KIF13A: variants seen among roughly 807,000 people sequenced by gnomAD.
The protein encoded by KIF13A is kinesin-like protein KIF13A.
KIF13A carries 79 observed loss-of-function variants against 212.2 expected under a neutral mutation model. The observed-to-expected ratio is 0.37, with a 90% CI of 0.31 to 0.45. KIF13A has a LOEUF of 0.45. KIF13A is among the 20% of genes least tolerant of loss of function. The pLI, the probability that KIF13A is intolerant of heterozygous loss-of-function variation, is 1.00. For missense variants in KIF13A, 1,901 were observed against 2,209.0 expected (o/e 0.86, Z 2.79); for synonymous variants, 789 against 808.6 (o/e 0.98, Z 0.41).
At position 17,855,613 on chromosome 6, in the gene KIF13A, C is replaced by G; in HGVS notation, c.318G>C (p.Ser106=). The change falls in exon 6 of 39, where the codon TCG becomes TCC. Residue 106 remains serine, a synonymous_variant. Coordinates refer to ENST00000259711, the MANE Select transcript of KIF13A (RefSeq NM_022113.6). This position sits in a 1 kb window ranked among gnomAD's most constrained non-coding sequence, Gnocchi z 4.1. ...ACIFAYGQTG[S]GKSFSMMGHA... ...GGCCCATCATGGAAAAGGATTTTCC[C>G]GAACCTGGAGAACAGCAAGGAAAAA... is the stretch of plus-strand genomic sequence containing the variant. 1.3e-6 allele frequency: 2 copies of G among 1,599,162 alleles called. No homozygotes were observed. Among genetic ancestry groups the G allele is most frequent in the Non-Finnish European group, 1.7e-6 (2 of 1,175,528 alleles).
intron 2 of KIF13A, among the ~76,000 whole-genome samples, chr6:17,975,926 A>G (rs1251342656): frequency 1.3e-5 from 2 of 151,768 alleles, no homozygotes; most frequent in Non-Finnish European, 2.9e-5. Flanking sequence ...AGCTAGACAT[A>G]AAGGTTCTCC....
chr6:17,937,181 A>G (rs1408366874), intron 2 of KIF13A, among the ~76,000 whole-genome samples: 1 of 152,198 alleles, frequency 6.6e-6, no homozygotes, highest in Non-Finnish European at 1.5e-5. Flanking sequence ...CTGTCTATAC[A>G]TATATACACA....
chr6:17,853,126 C>T (rs1032782498), intron 6 of KIF13A, among the ~76,000 whole-genome samples: 11 of 152,128 alleles, frequency 7.2e-5, no homozygotes, highest in African/African-American at 2.2e-4. Flanking sequence ...TGAATGCATC[C>T]CAAAGTCCTG....
At position 17,951,900 on chromosome 6, in the gene KIF13A, AT is replaced by A. The variant is rs945465390; in HGVS notation, c.146+35153del. On this transcript the variant is annotated intron_variant, in intron 2 of 38. Transcript: ENST00000259711. The surrounding 1 kb of genome is among the most constrained non-coding windows in gnomAD (Gnocchi z 4.9). ...TACAAAAATCTTTTTTCTTAAAAGAATTTTTTGTAGCCTTCCAAAAAATACC... is the reference window on the plus strand; with the variant it reads ...TACAAAAATCTTTTTTCTTAAAAGAATTTTTGTAGCCTTCCAAAAAATACC... Among the ~76,000 whole-genome samples, 8 of 152,196 alleles carry A rather than the reference AT, an allele frequency of 5.3e-5. No individual in the cohort carries two copies. The highest frequency in any genetic ancestry group is 1.7e-4 in the African/African-American group (7 of 41,446).
intron 4 of KIF13A, among the ~76,000 whole-genome samples, chr6:17,860,432 G>A (rs1768642386): frequency 6.6e-6 from 1 of 151,718 alleles, no homozygotes; most frequent in Non-Finnish European, 1.5e-5. Context: ...TAGGTGATCT[G>A]CCTGCCTTGG....
intron 2 of KIF13A, among the ~76,000 whole-genome samples, chr6:17,942,367 C>T: frequency 6.6e-6 from 1 of 150,642 alleles, no homozygotes. Context: ...TATTTCTGTT[C>T]ATTGAAATTT....
chr6:17,951,341 G>T lies in KIF13A; in HGVS notation c.146+35713C>A. The T allele has an allele frequency of 3.1e-6, 2 of 639,914 alleles. No individual in the cohort carries two copies. Among genetic ancestry groups the T allele is most frequent in the South Asian group, 1.7e-5 (1 of 58,392 alleles). 39.6% of individuals were successfully genotyped at this position (639,914 alleles called of 1,614,324 possible). Reference sequence around the variant, plus strand: ...AGATGGGGTTTTGCCATGTTGCAAAGGCTGGTCTTGAAATCCTCGGCTCAA... The same window carrying T: ...AGATGGGGTTTTGCCATGTTGCAAATGCTGGTCTTGAAATCCTCGGCTCAA... On this transcript the variant is annotated intron_variant, in intron 2 of 38. Transcript: ENST00000259711. The surrounding 1 kb of genome is among the most constrained non-coding windows in gnomAD (Gnocchi z 4.9).
At chr6:17,819,752 A>G (rs1437771705) in intron 16 of KIF13A, among the ~76,000 whole-genome samples, 1 of 152,116 alleles carries the variant, frequency 6.6e-6, no homozygotes, top group Non-Finnish European at 1.5e-5. Context: ...ATATGGTAAA[A>G]TTTTTTTGAG....
At chr6:17,804,811 TAAAAAAAAAAAA>T (rs56785510) in intron 19 of KIF13A, among the ~76,000 whole-genome samples, 576 of 23,322 alleles carry the variant, frequency 0.025, 10 homozygotes, top group African/African-American at 0.057. Context: ...CTGTCTCCAT[TAAAAAAAAAAAA>T]AAAAAAAAAA....
intron 25 of KIF13A, among the ~76,000 whole-genome samples, chr6:17,790,196 G>C (rs369900876): frequency 3.2e-4 from 49 of 152,298 alleles, no homozygotes; most frequent in African/African-American, 1.1e-3. Context: ...GAAGCTAGAA[G>C]TTTGAGACCC....
At chr6:17,796,248 C>A (rs2150326511) in intron 23 of KIF13A, among the ~76,000 whole-genome samples, 2 of 148,646 alleles carry the variant, frequency 1.3e-5, no homozygotes. Context: ...GTTGCCCAGG[C>A]TGGAGTGCAG....
chr6:17,906,032 C>T (rs1015051624), intron 2 of KIF13A, among the ~76,000 whole-genome samples: 1 of 152,162 alleles, frequency 6.6e-6, no homozygotes, highest in Non-Finnish European at 1.5e-5. Flanking sequence ...GTTACATAAG[C>T]ATCTGGAAGA....
intron 38 of KIF13A, chr6:17,770,361 A>ATTTTTTGTTTTTTTTTT (rs1759381083): frequency 8.4e-6 from 1 of 119,446 alleles, no homozygotes; most frequent in Non-Finnish European, 1.7e-5. Flanking sequence ...AATAAACAGG[A>ATTTTTTGTTTTTTTTTT]TTTTTTTTTT....
intron 3 of KIF13A, 37 bp from the exon 4 acceptor site, chr6:17,873,474 AT>A: frequency 7.2e-7 from 1 of 1,388,164 alleles, no homozygotes; most frequent in Non-Finnish European, 1.0e-6. Flanking sequence ...TTAAAGATTA[AT>A]TAACTTCTTA....
intron 6 of KIF13A, among the ~76,000 whole-genome samples, chr6:17,853,437 G>A (rs758543765): frequency 4.6e-5 from 7 of 152,124 alleles, no homozygotes; most frequent in Non-Finnish European, 8.8e-5. Flanking sequence ...AACAGTTTGC[G>A]CAATTAAATA....
rs1374424597 is a variant in KIF13A, at chr6:17,892,980, ATAG to A, written c.159+5185_159+5187del. ...GATTTATAGCCGGTAGGTCAGAAGT[ATAG>A]GTGGCAACCTGGGACTTGCGAATGG... On this transcript the variant is annotated intron_variant, in intron 3 of 38. Transcript: ENST00000259711. The surrounding 1 kb of genome is among the most constrained non-coding windows in gnomAD (Gnocchi z 4.7). 6.6e-6 allele frequency among the ~76,000 whole-genome samples: 1 copy of A among 152,220 alleles called. No individual in the cohort carries two copies. Among genetic ancestry groups the A allele is most frequent in the Non-Finnish European group, 1.5e-5 (1 of 68,038 alleles).
At chr6:17,797,847 G>T (rs1383164363) in intron 22 of KIF13A, among the ~76,000 whole-genome samples, 1 of 152,148 alleles carries the variant, frequency 6.6e-6, no homozygotes, top group African/African-American at 2.4e-5. Context: ...GCAGTGAGCC[G>T]TGATTGTGCC....
rs115211121 is a variant in KIF13A, at chr6:17,856,512, C to T, written c.221-390G>A. 2.9e-3 allele frequency among the ~76,000 whole-genome samples: 440 copies of T among 152,346 alleles called. 4 individuals are homozygous for T. Among genetic ancestry groups the T allele is most frequent in the African/African-American group, 0.01 (432 of 41,582 alleles). ...CCACTGAACAAGACCATGTTATACACACCTTGGTATCTCCCTCAGCACCTA... is the reference window on the plus strand; with the variant it reads ...CCACTGAACAAGACCATGTTATACATACCTTGGTATCTCCCTCAGCACCTA... On this transcript the variant is annotated intron_variant, in intron 4 of 38. Coordinates refer to ENST00000259711, the MANE Select transcript of KIF13A (RefSeq NM_022113.6). This position sits in a 1 kb window ranked among gnomAD's most constrained non-coding sequence, Gnocchi z 4.5.
intron 2 of KIF13A, among the ~76,000 whole-genome samples, chr6:17,909,534 CA>C: frequency 8.6e-6 from 1 of 116,726 alleles, no homozygotes; most frequent in Non-Finnish European, 1.7e-5. Flanking sequence ...GACTCTGTCT[CA>C]GAAAAAAAAA....
Sources: allele counts gnomAD v4.1 joint callset (sites outside exome capture counted in the v4.1 genomes callset), GRCh38; gene constraint gnomAD v4.1.1; non-coding constraint Gnocchi (gnomAD v3.1); transcripts MANE v1.5; gene names NCBI Gene and HGNC (gene_info 2026-07-23, HGNC 2026-07-21).